Variants in ANGPTL7 observed in about 807,000 individuals in gnomAD.
The protein encoded by ANGPTL7 is angiopoietin-related protein 7.
ANGPTL7 carries 37 observed loss-of-function variants against 38.8 expected under a neutral mutation model. The ratio of observed to expected loss-of-function variants is 0.95; its 90% CI spans 0.73 to 1.25. The LOEUF (loss-of-function observed/expected upper bound fraction) is 1.25. Ranked by LOEUF, ANGPTL7 falls within the 50% of genes most tolerant of loss-of-function variation. The pLI is 0.00. For synonymous variants in ANGPTL7, 166 were observed against 163.2 expected (o/e 1.02, Z -0.13); for missense variants, 427 against 438.6 (o/e 0.97, Z 0.24).
intron 1 of ANGPTL7, among the ~76,000 whole-genome samples, chr1:11,190,921 A>G (rs1188402837): frequency 1.3e-5 from 2 of 152,242 alleles, no homozygotes; most frequent in African/African-American, 4.8e-5. Flanking sequence ...TTTTAACATG[A>G]AACCAAGCTT....
intron 3 of ANGPTL7, 131 bp from the exon 4 acceptor site, chr1:11,194,326 CAAGT>C: frequency 1.2e-6 from 1 of 833,654 alleles, no homozygotes; most frequent in Non-Finnish European, 1.9e-6. Context: ...TGGAGGTAAA[CAAGT>C]AATAAAGTCT....
At chr1:11,194,067 C>T (rs915637014) in intron 3 of ANGPTL7, among the ~76,000 whole-genome samples, 2 of 152,118 alleles carry the variant, frequency 1.3e-5, no homozygotes, top group Admixed American at 6.5e-5. Flanking sequence ...CTGCTCTGGC[C>T]GAGCATGAGG....
At chr1:11,192,984 G>A (rs1467485861) in intron 2 of ANGPTL7, among the ~76,000 whole-genome samples, 1 of 151,942 alleles carries the variant, frequency 6.6e-6, no homozygotes, top group Non-Finnish European at 1.5e-5. Flanking sequence ...TTCCTTGGGG[G>A]AGGAGAAAAG....
rs935380513 is a variant in ANGPTL7 at position 11,195,231 on chromosome 1, G to A, written c.*208G>A. 35 of 575,022 alleles carry A rather than the reference G, an allele frequency of 6.1e-5. No individual in the cohort carries two copies. The highest frequency in any genetic ancestry group is 4.7e-4 in the Middle Eastern group (1 of 2,134). The allele number at this position is 575,022 out of a possible 1,614,324, so 35.6% of individuals were successfully genotyped here. A position where few individuals can be genotyped will look rare whatever the true frequency, so the allele number is the denominator to read the frequency against. On this transcript the variant is annotated 3_prime_UTR_variant, in exon 5 of 5. Coordinates refer to ENST00000376819, the MANE Select transcript of ANGPTL7 (RefSeq NM_021146.4). ...ACAGGATGAACTATTTAAACCCACT[G>A]GGTCCTGCCACATCCTTCTCAAGGT... is the stretch of plus-strand genomic sequence containing the variant.
Position 11,195,064 on chromosome 1 carries a change from C to T in ANGPTL7, c.*41C>T, listed in dbSNP as rs745392551. The T allele has an allele frequency of 4.4e-6, 7 of 1,600,130 alleles. No homozygotes were observed. The highest frequency in any genetic ancestry group is 1.3e-5 in the African/African-American group (1 of 74,584). On this transcript the variant is annotated 3_prime_UTR_variant, in exon 5 of 5. Coordinates refer to ENST00000376819, the MANE Select transcript of ANGPTL7 (RefSeq NM_021146.4). ...GAGCACGGATACAGAAACTGAGACA[C>T]GTGGAGACTGGATGAGGGCAGATGA...
rs200058074 is a variant in ANGPTL7, at chr1:11,192,300, A to G, written c.407A>G (p.Gln136Arg). 4.3e-4 allele frequency: 686 copies of G among 1,613,992 alleles called. No homozygotes were observed. The highest frequency in any genetic ancestry group is 5.3e-4 in the Admixed American group (32 of 60,018). ...ATCTACGACTGCTCTTCCCTCTACC[A>G]GAAGAACTACCGCATCTCTGGAGTG... ...DAIYDCSSLY[Q>R]KNYRISGVYK... Residue 136 changes from glutamine (Q) to arginine (R), a missense_variant, in exon 2 of 5, where the codon CAG (glutamine) becomes CGG (arginine). Transcript: ENST00000376819.
In ANGPTL7 at chr1:11,192,329, A is replaced by C. The variant is rs1465678002; in HGVS notation, c.436A>C (p.Lys146Gln). The change falls in exon 2 of 5, where the codon AAG (lysine) becomes CAG (glutamine). Residue 146 changes from lysine (K) to glutamine (Q), a missense_variant. By Grantham distance (53) the Lys-to-Gln change is moderately conservative. Transcript: ENST00000376819. ...QKNYRISGVY[K>Q]LPPDDFLGSP... ...GAACTACCGCATCTCTGGAGTGTATAAGCTTCCTCCTGATGACTTCCTGGG... is the reference window on the plus strand; with the variant it reads ...GAACTACCGCATCTCTGGAGTGTATCAGCTTCCTCCTGATGACTTCCTGGG... 1.9e-6 allele frequency: 3 copies of C among 1,614,056 alleles called. No individual in the cohort carries two copies.
intron 1 of ANGPTL7, among the ~76,000 whole-genome samples, chr1:11,191,629 T>C (rs1645534238): frequency 6.6e-6 from 1 of 152,212 alleles, no homozygotes; most frequent in Non-Finnish European, 1.5e-5. Flanking sequence ...TCCATGGCCC[T>C]AGAGTAAAAA....
intron 1 of ANGPTL7, among the ~76,000 whole-genome samples, 185 bp downstream of exon 1, chr1:11,190,140 G>A (rs551878486): frequency 8.5e-5 from 13 of 152,244 alleles, no homozygotes; most frequent in Admixed American, 2.6e-4. Context: ...ACACCTTCAC[G>A]GGTCTCTTTT....
chr1:11,195,529 T>G lies in ANGPTL7; in HGVS notation c.*506T>G, dbSNP rs549359514. ...TATTTTTAAATCCAGTGAAATTATCTTGAGTCTACACATTATTTTTAAAAC... is the reference window on the plus strand; with the variant it reads ...TATTTTTAAATCCAGTGAAATTATCGTGAGTCTACACATTATTTTTAAAAC... On this transcript the variant is annotated 3_prime_UTR_variant, in exon 5 of 5. Transcript: ENST00000376819. 3.9e-5 allele frequency: 6 copies of G among 155,178 alleles called. No individual in the cohort carries two copies. The highest frequency in any genetic ancestry group is 1.4e-4 in the African/African-American group (6 of 41,550). 9.6% of individuals were successfully genotyped at this position (155,178 alleles called of 1,614,324 possible).
At position 11,195,121 on chromosome 1, in the gene ANGPTL7, C is replaced by A; in HGVS notation, c.*98C>A. The A allele has an allele frequency of 7.9e-7, 1 of 1,265,708 alleles. No homozygotes were observed. Among genetic ancestry groups the A allele is most frequent in the Admixed American group, 2.6e-5 (1 of 39,184 alleles). The allele number at this position is 1,265,708 out of a possible 1,614,324, so 78.4% of individuals were successfully genotyped here. ...GAAGAGAGTGTTAGAAAGGGTAGGA[C>A]TGAGAAACAGCCTATAATCTCCAAA... On this transcript the variant is annotated 3_prime_UTR_variant, in exon 5 of 5. Coordinates refer to ENST00000376819, the MANE Select transcript of ANGPTL7 (RefSeq NM_021146.4).
chr1:11,190,086 A>T, intron 1 of ANGPTL7, 131 bp downstream of exon 1: 1 of 1,090,538 alleles, frequency 9.2e-7, no homozygotes, highest in Non-Finnish European at 1.3e-6. Flanking sequence ...GTAAAGGCTT[A>T]TGCAGTATTT....
At chr1:11,192,987 G>A (rs1645610492) in intron 2 of ANGPTL7, among the ~76,000 whole-genome samples, 1 of 151,860 alleles carries the variant, frequency 6.6e-6, no homozygotes, top group African/African-American at 2.4e-5. Flanking sequence ...CTTGGGGGAG[G>A]AGAAAAGAAA....
chr1:11,192,223 G>A, intron 1 of ANGPTL7, 47 bp from the exon 2 acceptor site: 1 of 1,377,210 alleles, frequency 7.3e-7, no homozygotes, highest in Non-Finnish European at 1.0e-6. Context: ...CAACTCAGAT[G>A]GAGCCACTGG....
chr1:11,192,262 T>C lies in ANGPTL7; in HGVS notation c.377-8T>C, dbSNP rs1645568337. 1.9e-6 allele frequency: 3 copies of C among 1,606,194 alleles called. No homozygotes were observed. The highest frequency in any genetic ancestry group is 1.7e-6 in the Non-Finnish European group (2 of 1,173,110). On this transcript the variant is annotated splice_region_variant and splice_polypyrimidine_tract_variant and intron_variant, in intron 1 of 4. Transcript: ENST00000376819. ...TAAATGCTCACCCTGTGGTTTGTTCTCTTGTAGATGCCATCTACGACTGCT... is the reference window on the plus strand; with the variant it reads ...TAAATGCTCACCCTGTGGTTTGTTCCCTTGTAGATGCCATCTACGACTGCT...
At chr1:11,190,031 C>A in intron 1 of ANGPTL7, 76 bp downstream of exon 1, 1 of 1,511,564 alleles carries the variant, frequency 6.6e-7, no homozygotes, top group Non-Finnish European at 8.9e-7. Flanking sequence ...TCCTGGTCAT[C>A]AGAACCACTA....
At chr1:11,194,050 C>A (rs1481339237) in intron 3 of ANGPTL7, among the ~76,000 whole-genome samples, 1 of 152,192 alleles carries the variant, frequency 6.6e-6, no homozygotes, top group African/African-American at 2.4e-5. Flanking sequence ...GTGCCGAACA[C>A]TAGTCTCTGC....
At chr1:11,194,396 G>C in intron 3 of ANGPTL7, 65 bp from the exon 4 acceptor site, 1 of 1,468,104 alleles carries the variant, frequency 6.8e-7, no homozygotes, top group East Asian at 2.3e-5. Flanking sequence ...AGGAGAGAAG[G>C]GGTATAGAGA....
intron 1 of ANGPTL7, among the ~76,000 whole-genome samples, 198 bp downstream of exon 1, chr1:11,190,153 CCA>C (rs1645472421): frequency 1.3e-5 from 2 of 152,294 alleles, no homozygotes; most frequent in South Asian, 4.1e-4. Flanking sequence ...TCTCTTTTAT[CCA>C]CACAGTGTTT....
Sources: allele counts gnomAD v4.1 joint callset (sites outside exome capture counted in the v4.1 genomes callset), GRCh38; gene constraint gnomAD v4.1.1; transcripts MANE v1.5; gene names NCBI Gene and HGNC (gene_info 2026-07-23, HGNC 2026-07-21).